Variants in TNPO2 observed in about 807,000 individuals in gnomAD.
TNPO2 encodes transportin-2.
A neutral mutation model predicts 111.1 loss-of-function variants in TNPO2; 16 were observed. The observed-to-expected ratio is 0.14, with a 90% CI of 0.10 to 0.22. TNPO2 has a LOEUF of 0.22. TNPO2 is among the 10% of genes least tolerant of loss of function. TNPO2 has a pLI of 1.00. For synonymous variants in TNPO2, 481 were observed against 475.8 expected (o/e 1.01, Z -0.14); for missense variants, 530 against 1,173.7 (o/e 0.45, Z 8.01).
At chr19:12,714,169 G>C (rs2026232574) in intron 10 of TNPO2, among the ~76,000 whole-genome samples, 1 of 152,138 alleles carries the variant, frequency 6.6e-6, no homozygotes, top group Non-Finnish European at 1.5e-5. Flanking sequence ...GGCACAGAAG[G>C]CTACAGCACT....
intron 13 of TNPO2, among the ~76,000 whole-genome samples, chr19:12,708,431 G>T (rs1181372814): frequency 7.0e-6 from 1 of 143,596 alleles, no homozygotes; most frequent in South Asian, 2.2e-4. Flanking sequence ...CACACCCAGG[G>T]TTTTTTTTTT....
chr19:12,712,120 T>C (rs902873730), intron 10 of TNPO2, among the ~76,000 whole-genome samples: 7 of 152,158 alleles, frequency 4.6e-5, no homozygotes, highest in African/African-American at 1.7e-4. Flanking sequence ...AACCAGGCCA[T>C]ACAGAGATAG....
rs756975211 is a variant in TNPO2 at position 12,701,388 on chromosome 19, C to T, written c.2652G>A (p.Pro884=). The T allele has an allele frequency of 6.2e-6, 10 of 1,613,822 alleles. No homozygotes were observed. The highest frequency in any genetic ancestry group is 5.3e-5 in the African/African-American group (4 of 74,902). ...CCGCCAGCCTCTCCTTGAGCAGCGG[C>T]GGGAATTGCTCAGAGAACTGCTGCC... The part of the protein sequence containing the change: ...DNWQQFSEQF[P]PLLKERLAAF... Residue 884 remains proline (P), a synonymous_variant, in exon 25 of 26, where the codon CCG becomes CCA. Transcript: ENST00000425528. This position sits in a 1 kb window ranked among gnomAD's most constrained non-coding sequence, Gnocchi z 5.0.
At position 12,706,004 on chromosome 19, in the gene TNPO2, A is replaced by C; in HGVS notation, c.1668+192T>G. 1.6e-6 allele frequency: 1 copy of C among 643,612 alleles called. No homozygotes were observed. The highest frequency in any genetic ancestry group is 3.1e-5 in the Admixed American group (1 of 32,022). 39.9% of individuals were successfully genotyped at this position (643,612 alleles called of 1,614,324 possible). A position where few individuals can be genotyped will look rare whatever the true frequency, so the allele number is the denominator to read the frequency against. On this transcript the variant is annotated intron_variant, in intron 15 of 25. Transcript: ENST00000425528. This position sits in a 1 kb window ranked among gnomAD's most constrained non-coding sequence, Gnocchi z 7.0. ...CACCTCCTGGTTCCCGAAGCACAGC[A>C]CTTACCACGCTGTCTCATAACTGTC...
Position 12,701,574 on chromosome 19 carries a change from A to C in TNPO2, c.2586+24T>G. 1 of 1,612,888 alleles carries C rather than the reference A, an allele frequency of 6.2e-7. No individual in the cohort carries two copies. The highest frequency in any genetic ancestry group is 8.5e-7 in the Non-Finnish European group (1 of 1,179,120). ...CACCCCTGCCTGCTCCCGGAACTAG[A>C]TCAGGGCCCAGACAGAGCCTCACCT... On this transcript the variant is annotated intron_variant, in intron 24 of 25. Coordinates refer to ENST00000425528, the MANE Select transcript of TNPO2 (RefSeq NM_001382241.1). This position sits in a 1 kb window ranked among gnomAD's most constrained non-coding sequence, Gnocchi z 5.0.
intron 10 of TNPO2, among the ~76,000 whole-genome samples, chr19:12,712,922 A>G (rs1057223770): frequency 1.7e-4 from 26 of 152,036 alleles, no homozygotes; most frequent in African/African-American, 5.8e-4. Context: ...ACGTAACCCT[A>G]TCACCCAGGC....
intron 2 of TNPO2, among the ~76,000 whole-genome samples, chr19:12,722,862 G>C (rs1967097464): frequency 6.6e-6 from 1 of 152,208 alleles, no homozygotes; most frequent in Non-Finnish European, 1.5e-5. Flanking sequence ...CAGGAGTTTG[G>C]TAGCGCGTGG....
chr19:12,709,651 T>G (rs1599416694), intron 13 of TNPO2, among the ~76,000 whole-genome samples: 1 of 151,102 alleles, frequency 6.6e-6, no homozygotes, highest in Non-Finnish European at 1.5e-5. Flanking sequence ...GGTTTTTTTT[T>G]TTTTTTTTTT....
At position 12,699,262 on chromosome 19, in the gene TNPO2, G is replaced by A. The variant is rs912878097; in HGVS notation, c.*2002C>T. ...CACAAGTGGAATCTCACGCCACCTC[G>A]GCGCCAATCCCCAGCACAGCACAGT... On this transcript the variant is annotated 3_prime_UTR_variant, in exon 26 of 26. Coordinates refer to ENST00000425528, the MANE Select transcript of TNPO2 (RefSeq NM_001382241.1). 2 of 446,006 alleles carry A rather than the reference G, an allele frequency of 4.5e-6. No individual in the cohort carries two copies. Among genetic ancestry groups the A allele is most frequent in the East Asian group, 7.6e-5 (1 of 13,154 alleles). 27.6% of individuals were successfully genotyped at this position (446,006 alleles called of 1,614,324 possible).
Position 12,706,549 on chromosome 19 carries a change from G to C in TNPO2, c.1496+21C>G. 6.2e-7 allele frequency: 1 copy of C among 1,612,306 alleles called. No individual in the cohort carries two copies. Among genetic ancestry groups the C allele is most frequent in the Non-Finnish European group, 8.5e-7 (1 of 1,178,578 alleles). ...TGGCCGGGGGAGAGTGGGGGCTGTG[G>C]GATCAGGGGTCCAGGGTCACCTGCA... On this transcript the variant is annotated intron_variant, in intron 14 of 25. Coordinates refer to ENST00000425528, the MANE Select transcript of TNPO2 (RefSeq NM_001382241.1). This position sits in a 1 kb window ranked among gnomAD's most constrained non-coding sequence, Gnocchi z 7.0.
chr19:12,720,613 G>C (rs140527699), intron 3 of TNPO2, among the ~76,000 whole-genome samples: 1 of 152,322 alleles, frequency 6.6e-6, no homozygotes, highest in Non-Finnish European at 1.5e-5. Context: ...GAGCCACCCC[G>C]TTGGGCCAGG....
Position 12,710,612 on chromosome 19 carries a change from C to T in TNPO2, c.1270+9G>A, listed in dbSNP as rs748006480. 5 of 1,612,190 alleles carry T rather than the reference C, an allele frequency of 3.1e-6. No homozygotes were observed. The highest frequency in any genetic ancestry group is 2.7e-5 in the African/African-American group (2 of 74,878). ...GCCAGCACAGGGCTCAGAGATCAGG[C>T]GCACTCACCCTCAGCAATGGCGCCC... is the stretch of plus-strand genomic sequence containing the variant. On this transcript the variant is annotated intron_variant, in intron 13 of 25. Coordinates refer to ENST00000425528, the MANE Select transcript of TNPO2 (RefSeq NM_001382241.1).
At position 12,710,652 on chromosome 19, in the gene TNPO2, C is replaced by T. The variant is rs749009497; in HGVS notation, c.1239G>A (p.Ser413=). Residue 413 remains serine (S), a synonymous_variant, in exon 13 of 26, where the codon TCG becomes TCA. Transcript: ENST00000425528. ...LFHPEWVVKE[S]GILVLGAIAE... ...CAATGGCGCCCAGCACCAGGATGCC[C>T]GACTCCTTGACCACCCACTCGGGGT... 5 of 1,613,408 alleles carry T rather than the reference C, an allele frequency of 3.1e-6. No individual in the cohort carries two copies. The highest frequency in any genetic ancestry group is 1.6e-4 in the Middle Eastern group (1 of 6,062).
rs762025046 is a variant in TNPO2, at chr19:12,715,318, G to A, written c.573C>T (p.His191=). ...FKHCSPKIRS[H]AIACVNQFIM... is the part of the protein sequence containing the mutation. Reference sequence around the variant, plus strand: ...TGAACTGGTTCACGCAGGCGATGGCGTGGGACCTGGCGGGGAGCAGACACG... The same window carrying A: ...TGAACTGGTTCACGCAGGCGATGGCATGGGACCTGGCGGGGAGCAGACACG... Residue 191 remains histidine, a synonymous_variant, in exon 8 of 26, where the codon CAC becomes CAT. Transcript: ENST00000425528. This position sits in a 1 kb window ranked among gnomAD's most constrained non-coding sequence, Gnocchi z 7.1. 46 of 1,613,714 alleles carry A rather than the reference G, an allele frequency of 2.9e-5. No individual in the cohort carries two copies. The highest frequency in any genetic ancestry group is 1.2e-4 in the African/African-American group (9 of 74,908).
At chr19:12,703,857 G>A in intron 18 of TNPO2, 56 bp from the exon 19 acceptor site, 2 of 1,441,758 alleles carry the variant, frequency 1.4e-6, no homozygotes, top group Non-Finnish European at 1.9e-6. Context: ...AACCAGGACA[G>A]CTCAGGGGGC....
At position 12,719,220 on chromosome 19, in the gene TNPO2, AAGC is replaced by A. The variant is rs2026532329; in HGVS notation, c.175+38_175+40del. 1 of 1,613,796 alleles carries A rather than the reference AAGC, an allele frequency of 6.2e-7. No homozygotes were observed. The highest frequency in any genetic ancestry group is 1.3e-5 in the African/African-American group (1 of 75,006). Reference sequence around the variant, plus strand: ...TGAGGTTCAGGGGCCCAGGGGGAGAAAGCAGGGTCCCGATCGCATGGAAGGGAG... The same window carrying A: ...TGAGGTTCAGGGGCCCAGGGGGAGAAAGGGTCCCGATCGCATGGAAGGGAG... On this transcript the variant is annotated intron_variant, in intron 4 of 25. Coordinates refer to ENST00000425528, the MANE Select transcript of TNPO2 (RefSeq NM_001382241.1). This position sits in a 1 kb window ranked among gnomAD's most constrained non-coding sequence, Gnocchi z 5.0.
At chr19:12,703,350 CA>C in intron 20 of TNPO2, 77 bp downstream of exon 20, 1 of 1,337,072 alleles carries the variant, frequency 7.5e-7, no homozygotes, top group Non-Finnish European at 1.1e-6. Context: ...AGGAAGCTGT[CA>C]GTCAGAGCTA....
intron 2 of TNPO2, chr19:12,722,561 TAAAAAAAA>T (rs751028490): frequency 4.9e-5 from 2 of 40,908 alleles, no homozygotes; most frequent in Admixed American, 2.9e-4. Flanking sequence ...GAGAGAGAAT[TAAAAAAAA>T]AAAAAAAAAA....
At position 12,705,015 on chromosome 19, in the gene TNPO2, AT is replaced by A. The variant is rs200913997; in HGVS notation, c.2022+224del. Among the ~76,000 whole-genome samples the A allele has an allele frequency of 2.7e-5, 4 of 149,068 alleles. No homozygotes were observed. The highest frequency in any genetic ancestry group is 2.1e-4 in the South Asian group (1 of 4,714). On this transcript the variant is annotated intron_variant, in intron 18 of 25. Coordinates refer to ENST00000425528, the MANE Select transcript of TNPO2 (RefSeq NM_001382241.1). This position sits in a 1 kb window ranked among gnomAD's most constrained non-coding sequence, Gnocchi z 7.2. Reference sequence around the variant, plus strand: ...TTCAATACTGTTTGCTTTAAAAAAAATTTTTTTTTTTAATTTTAGAACTGGG... The same window carrying A: ...TTCAATACTGTTTGCTTTAAAAAAAATTTTTTTTTTAATTTTAGAACTGGG...
Sources: allele counts gnomAD v4.1 joint callset (sites outside exome capture counted in the v4.1 genomes callset), GRCh38; gene constraint gnomAD v4.1.1; non-coding constraint Gnocchi (gnomAD v3.1); transcripts MANE v1.5; gene names NCBI Gene and HGNC (gene_info 2026-07-23, HGNC 2026-07-21).